Variants in TSLP observed in about 807,000 individuals in gnomAD.
The protein encoded by TSLP is thymic stromal lymphopoietin.
A neutral mutation model predicts 12.4 loss-of-function variants in TSLP; 12 were observed. The observed-to-expected ratio is 0.97, with a 90% CI of 0.62 to 1.57. The LOEUF is 1.57. Among genes scored for constraint, TSLP ranks in the 40% most tolerant of loss-of-function variants. The probability of loss-of-function intolerance (pLI) is 0.00; values close to 1 mark genes in which losing one functional copy is unlikely to be tolerated. For synonymous variants in TSLP, 97 were observed against 69.5 expected (o/e 1.40, Z -1.97); for missense variants, 222 against 189.6 (o/e 1.17, Z -1.00).
rs922842634 is a variant in TSLP at position 111,073,525 on chromosome 5, T to C, written c.231T>C (p.Thr77=). Residue 77 remains threonine (T), a synonymous_variant, in exon 3 of 4, where the codon ACT becomes ACC. Transcript: ENST00000344895. ...VSCSNRPHCL[T]EIQSLTFNPT... ...CCTATGAGCAGCCACATTGCCTTACTGAAATCCAGAGCCTAACCTTCAATC... is the reference window on the plus strand; with the variant it reads ...CCTATGAGCAGCCACATTGCCTTACCGAAATCCAGAGCCTAACCTTCAATC... 1 of 1,614,046 alleles carries C rather than the reference T, an allele frequency of 6.2e-7. No homozygotes were observed. Among genetic ancestry groups the C allele is most frequent in the African/African-American group, 1.3e-5 (1 of 74,920 alleles).
intron 2 of TSLP, 124 bp from the exon 3 acceptor site, chr5:111,073,387 C>T: frequency 1.3e-6 from 2 of 1,549,606 alleles, no homozygotes; most frequent in Non-Finnish European, 1.7e-6. Flanking sequence ...TTCTCTCTGA[C>T]TCTCGACTTG....
At chr5:111,075,727 T>C (rs1752484978) in intron 3 of TSLP, among the ~76,000 whole-genome samples, 1 of 152,126 alleles carries the variant, frequency 6.6e-6, no homozygotes, top group Non-Finnish European at 1.5e-5. Flanking sequence ...TAGTGGAGGC[T>C]TTTTGAAGGA....
At chr5:111,073,316 C>G in intron 2 of TSLP, 195 bp from the exon 3 acceptor site, 1 of 1,430,558 alleles carries the variant, frequency 7.0e-7, no homozygotes, top group African/African-American at 1.4e-5. Context: ...CCTCCGCCAC[C>G]CTCGCCACGC....
In TSLP at chr5:111,075,976, A is replaced by G; in HGVS notation, c.382A>G (p.Arg128Gly). The change falls in exon 4 of 4, where the codon AGA (arginine) becomes GGA (glycine). Residue 128 changes from arginine to glycine, a missense_variant. Transcript: ENST00000344895. ...TGCTACTCAGGCAATGAAGAAGAGGAGAAAAAGGAAAGTCACAACCAATAA... is the reference window on the plus strand; with the variant it reads ...TGCTACTCAGGCAATGAAGAAGAGGGGAAAAAGGAAAGTCACAACCAATAA... ...INATQAMKKR[R>G]KRKVTTNKCL... 1 of 1,613,934 alleles carries G rather than the reference A, an allele frequency of 6.2e-7. No homozygotes were observed. Among genetic ancestry groups the G allele is most frequent in the Non-Finnish European group, 8.5e-7 (1 of 1,179,960 alleles).
chr5:111,071,352 T>A (rs572353820), upstream of TSLP: 2 of 1,255,324 alleles, frequency 1.6e-6, no homozygotes, highest in African/African-American at 1.5e-5. Flanking sequence ...ATGGGACATA[T>A]GCAAGGACTC....
In TSLP at chr5:111,077,018, T is replaced by A. The variant is rs1752528780; in HGVS notation, c.*944T>A. ...TTAAATTATGTCACTAGTCTTTTATTTTTTCCCCTCTTGAACTTTCCTCAC... is the reference window on the plus strand; with the variant it reads ...TTAAATTATGTCACTAGTCTTTTATATTTTCCCCTCTTGAACTTTCCTCAC... On this transcript the variant is annotated 3_prime_UTR_variant, in exon 4 of 4. Coordinates refer to ENST00000344895, the MANE Select transcript of TSLP (RefSeq NM_033035.5). 1 of 152,166 alleles carries A rather than the reference T, an allele frequency of 6.6e-6. No homozygotes were observed. Among genetic ancestry groups the A allele is most frequent in the African/African-American group, 2.4e-5 (1 of 41,434 alleles). The allele number at this position is 152,166 out of a possible 1,614,324, so 9.4% of individuals were successfully genotyped here.
At chr5:111,073,747 A>G (rs1413404276) in intron 3 of TSLP, 102 bp downstream of exon 3, 2 of 1,373,980 alleles carry the variant, frequency 1.5e-6, no homozygotes, top group East Asian at 2.3e-5. Context: ...TTTAGGTTTT[A>G]TCTTTCGAAG....
In TSLP at chr5:111,077,259, G is replaced by A. The variant is rs563929504; in HGVS notation, c.*1185G>A. The A allele has an allele frequency of 6.6e-6, 1 of 152,306 alleles. No homozygotes were observed. The highest frequency in any genetic ancestry group is 1.5e-5 in the Non-Finnish European group (1 of 68,038). The allele number at this position is 152,306 out of a possible 1,614,324, so 9.4% of individuals were successfully genotyped here. Reference sequence around the variant, plus strand: ...TAATTACTCCCTGAGGGTTAGTTGGGGCTAAACCATGACAGAAGTGGGGAA... The same window carrying A: ...TAATTACTCCCTGAGGGTTAGTTGGAGCTAAACCATGACAGAAGTGGGGAA... On this transcript the variant is annotated 3_prime_UTR_variant, in exon 4 of 4. Coordinates refer to ENST00000344895, the MANE Select transcript of TSLP (RefSeq NM_033035.5).
intron 3 of TSLP, among the ~76,000 whole-genome samples, chr5:111,075,168 T>G (rs1752463819): frequency 6.6e-6 from 1 of 152,206 alleles, no homozygotes; most frequent in African/African-American, 2.4e-5. Flanking sequence ...TTTATTTCAG[T>G]CCCTCCCAAG....
At position 111,071,910 on chromosome 5, in the gene TSLP, T is replaced by A. The variant is rs1752346246; in HGVS notation, c.20T>A (p.Leu7Gln). 3 of 1,614,106 alleles carry A rather than the reference T, an allele frequency of 1.9e-6. No individual in the cohort carries two copies. Among genetic ancestry groups the A allele is most frequent in the Non-Finnish European group, 2.5e-6 (3 of 1,180,028 alleles). MFPFAL[L>Q]YVLSVSFRKI... ...CCACGTATGTTCCCTTTTGCCTTAC[T>A]ATATGTTCTGTCAGTTTCTTTCAGG... Residue 7 changes from leucine (L) to glutamine (Q), a missense_variant, in exon 1 of 4, where the codon CTA (leucine) becomes CAA (glutamine). Physicochemically the swap from Leu to Gln is moderately radical, Grantham distance 113 (BLOSUM62 -2). Transcript: ENST00000344895.
Position 111,075,996 on chromosome 5 carries a change from C to T in TSLP, c.402C>T (p.Thr134=), listed in dbSNP as rs11466747. The T allele has an allele frequency of 1.2e-6, 2 of 1,613,888 alleles. No homozygotes were observed. Among genetic ancestry groups the T allele is most frequent in the African/African-American group, 2.7e-5 (2 of 74,902 alleles). The change falls in exon 4 of 4, where the codon ACC becomes ACT. Residue 134 remains threonine (T), a synonymous_variant. Transcript: ENST00000344895. The part of the protein sequence containing the change: ...MKKRRKRKVT[T]NKCLEQVSQL... ...AGAGGAGAAAAAGGAAAGTCACAACCAATAAATGTCTGGAACAAGTGTCAC... is the reference window on the plus strand; with the variant it reads ...AGAGGAGAAAAAGGAAAGTCACAACTAATAAATGTCTGGAACAAGTGTCAC...
At position 111,073,611 on chromosome 5, in the gene TSLP, T is replaced by G; in HGVS notation, c.317T>G (p.Leu106Ter). The change falls in exon 3 of 4, where the codon TTA becomes TGA. Residue 106 changes from leucine to a stop codon, truncating the protein, a stop_gained. Transcript: ENST00000344895. LOFTEE classifies it low-confidence loss of function (END_TRUNC). Reference sequence around the variant, plus strand: ...TTCGCCATGAAAACTAAGGCTGCCTTAGCTATCTGGTGCCCAGGCTATTCG... The same window carrying G: ...TTCGCCATGAAAACTAAGGCTGCCTGAGCTATCTGGTGCCCAGGCTATTCG... The part of the protein sequence containing the change: ...EMFAMKTKAA[L>*]AIWCPGYSET... 7.4e-6 allele frequency: 12 copies of G among 1,614,098 alleles called. No homozygotes were observed. The highest frequency in any genetic ancestry group is 1.0e-5 in the Non-Finnish European group (12 of 1,179,998).
At chr5:111,075,669 C>T (rs542370851) in intron 3 of TSLP, among the ~76,000 whole-genome samples, 2 of 152,186 alleles carry the variant, frequency 1.3e-5, no homozygotes, top group East Asian at 1.9e-4. Flanking sequence ...TTAAATGACA[C>T]ACACTCTTAA....
At position 111,076,193 on chromosome 5, in the gene TSLP, A is replaced by G. The variant is rs931089699; in HGVS notation, c.*119A>G. The G allele has an allele frequency of 6.5e-6, 8 of 1,226,658 alleles. No individual in the cohort carries two copies. The highest frequency in any genetic ancestry group is 8.1e-6 in the Non-Finnish European group (7 of 863,502). 76.0% of individuals were successfully genotyped at this position (1,226,658 alleles called of 1,614,324 possible). On this transcript the variant is annotated 3_prime_UTR_variant, in exon 4 of 4. Coordinates refer to ENST00000344895, the MANE Select transcript of TSLP (RefSeq NM_033035.5). ...ACAAATAGTTATCTTTTAATTACAGAAGAGTTTCTTAACTTACTTTTGTAA... is the reference window on the plus strand; with the variant it reads ...ACAAATAGTTATCTTTTAATTACAGGAGAGTTTCTTAACTTACTTTTGTAA...
upstream of TSLP, chr5:111,070,256 A>G (rs796185426): frequency 6.6e-6 from 1 of 152,666 alleles, no homozygotes; most frequent in South Asian, 2.1e-4. Context: ...TCTTTTCCCG[A>G]ATCCCTCGAC....
At chr5:111,071,473 C>T (rs180711190), upstream of TSLP, 8 of 1,545,262 alleles carry the variant, frequency 5.2e-6, no homozygotes, top group African/African-American at 8.2e-5. Flanking sequence ...TCTTAAAGGA[C>T]ATTCACACTT....
chr5:111,076,382 T>C lies in TSLP; in HGVS notation c.*308T>C, dbSNP rs1270573933. 3.7e-6 allele frequency: 1 copy of C among 266,972 alleles called. No homozygotes were observed. The highest frequency in any genetic ancestry group is 7.0e-6 in the Non-Finnish European group (1 of 142,374). The allele number at this position is 266,972 out of a possible 1,614,324, so 16.5% of individuals were successfully genotyped here. A position where few individuals can be genotyped will look rare whatever the true frequency, so the allele number is the denominator to read the frequency against. The stretch of plus-strand genomic sequence containing the variant: ...CAAAAGTGCAGCAGGAGAACTCTTT[T>C]CCCTGAAAAAGGAAAAATATTGAAC... On this transcript the variant is annotated 3_prime_UTR_variant, in exon 4 of 4. Coordinates refer to ENST00000344895, the MANE Select transcript of TSLP (RefSeq NM_033035.5).
chr5:111,073,053 G>T, intron 2 of TSLP, 121 bp downstream of exon 2: 1 of 1,190,540 alleles, frequency 8.4e-7, no homozygotes, highest in Non-Finnish European at 1.2e-6. Context: ...GCCGCCGCCG[G>T]GGGAAAGGGG....
chr5:111,071,693 C>T, upstream of TSLP: 2 of 1,242,056 alleles, frequency 1.6e-6, no homozygotes, highest in Non-Finnish European at 2.2e-6. Flanking sequence ...TTATATAGTG[C>T]AGCCAGAAAG....
Sources: allele counts gnomAD v4.1 joint callset (sites outside exome capture counted in the v4.1 genomes callset), GRCh38; gene constraint gnomAD v4.1.1; transcripts MANE v1.5; gene names NCBI Gene and HGNC (gene_info 2026-07-23, HGNC 2026-07-21).